The following WDPCP variants were observed in gnomAD, a reference collection of about 807,000 sequenced individuals.
WDPCP encodes WD repeat containing planar cell polarity effector.
WDPCP carries 71 observed loss-of-function variants against 93.1 expected under a neutral mutation model. The ratio of observed to expected loss-of-function variants is 0.76; its 90% CI spans 0.63 to 0.93. The LOEUF is 0.93. Ranked by LOEUF, WDPCP falls within the 40% of genes least tolerant of loss-of-function variation. WDPCP has a pLI of 0.00. For missense variants in WDPCP, 844 were observed against 887.4 expected, an observed-to-expected ratio of 0.95 and a Z score of 0.62; for synonymous variants, 315 against 315.0, an observed-to-expected ratio of 1.00 and a Z score of 0.00.
intron 2 of WDPCP, among the ~76,000 whole-genome samples, chr2:63,790,241 G>A (rs562880827): frequency 4.4e-4 from 67 of 152,306 alleles, no homozygotes; most frequent in African/African-American, 1.5e-3. Flanking sequence ...GGTGCTGGGC[G>A]AAATTATAGT....
intron 14 of WDPCP, among the ~76,000 whole-genome samples, chr2:63,210,490 G>A (rs377569958): frequency 1.2e-4 from 19 of 152,232 alleles, no homozygotes; most frequent in African/African-American, 3.9e-4. Flanking sequence ...CCAAGATGGC[G>A]GGATAGGAAC....
intron 13 of WDPCP, among the ~76,000 whole-genome samples, chr2:63,294,508 G>GA (rs59228476): frequency 3.2e-3 from 156 of 48,260 alleles, no homozygotes; most frequent in Non-Finnish European, 4.6e-3. Context: ...AGACTGTTTC[G>GA]AAAAAAAAAA....
chr2:63,840,246 T>C, the WDPCP span, among the ~76,000 whole-genome samples: 1 of 152,140 alleles, frequency 6.6e-6, no homozygotes, highest in Non-Finnish European at 1.5e-5. Flanking sequence ...CGGTACCAGG[T>C]GTGATTTGAC....
chr2:63,318,111 C>G (rs1294121720), intron 12 of WDPCP, among the ~76,000 whole-genome samples: 1 of 152,098 alleles, frequency 6.6e-6, no homozygotes, highest in East Asian at 1.9e-4. Flanking sequence ...AGGGAAAGGA[C>G]ATGAACAGAC....
intron 12 of WDPCP, among the ~76,000 whole-genome samples, chr2:63,351,357 G>A (rs888543800): frequency 6.6e-6 from 1 of 151,806 alleles, no homozygotes; most frequent in Non-Finnish European, 1.5e-5. Flanking sequence ...TAAGGTTTGG[G>A]GTATGGATCC....
chr2:63,284,476 T>C (rs1575058174), intron 13 of WDPCP, among the ~76,000 whole-genome samples: 1 of 152,256 alleles, frequency 6.6e-6, no homozygotes, highest in South Asian at 2.1e-4. Context: ...TTGCACATTT[T>C]CTTTTAAATT....
At chr2:63,392,829 A>C (rs187901503) in intron 10 of WDPCP, among the ~76,000 whole-genome samples, 4 of 152,346 alleles carry the variant, frequency 2.6e-5, no homozygotes, top group African/African-American at 9.6e-5. Flanking sequence ...AATCAAAACC[A>C]CAATGAGATA....
intron 13 of WDPCP, among the ~76,000 whole-genome samples, chr2:63,297,745 T>C (rs1279027239): frequency 3.3e-5 from 5 of 152,120 alleles, no homozygotes; most frequent in African/African-American, 1.2e-4. Context: ...AATACTGGTA[T>C]TTAGGACCCG....
At chr2:63,516,620 CAGCCATGTGAATG>C (rs1248267811) in intron 1 of WDPCP, among the ~76,000 whole-genome samples, 2 of 109,740 alleles carry the variant, frequency 1.8e-5, no homozygotes, top group African/African-American at 8.1e-5. Context: ...ACATCATTGT[CAGCCATGTGAATG>C]AGCCACCTTG....
intron 1 of WDPCP, among the ~76,000 whole-genome samples, chr2:63,515,485 G>C (rs978820326): frequency 2.6e-5 from 4 of 152,144 alleles, no homozygotes; most frequent in African/African-American, 9.7e-5. Context: ...CCTAAAAACT[G>C]CATTTGTGTG....
intron 3 of WDPCP, among the ~76,000 whole-genome samples, chr2:63,616,531 T>G (rs1312611884): frequency 6.6e-6 from 1 of 152,142 alleles, no homozygotes; most frequent in African/African-American, 2.4e-5. Flanking sequence ...TTATATATCC[T>G]TTACTCTATA....
At chr2:63,488,694 T>A (rs914952198) in intron 2 of WDPCP, among the ~76,000 whole-genome samples, 3 of 151,948 alleles carry the variant, frequency 2.0e-5, no homozygotes, top group African/African-American at 4.8e-5. Context: ...AAGGCTTTTT[T>A]AAAAAATCTA....
intron 13 of WDPCP, among the ~76,000 whole-genome samples, chr2:63,273,994 A>T (rs1284636598): frequency 2.6e-5 from 4 of 152,186 alleles, no homozygotes; most frequent in Non-Finnish European, 5.9e-5. Flanking sequence ...ACTGCAGACC[A>T]AATGGACCTA....
At chr2:63,565,323 G>A (rs184513817) in intron 1 of WDPCP, among the ~76,000 whole-genome samples, 70 of 152,180 alleles carry the variant, frequency 4.6e-4, no homozygotes, top group African/African-American at 1.4e-3. Flanking sequence ...AATTCAATTC[G>A]CTTCAATACG....
At chr2:63,453,169 G>A (rs1475927770) in intron 6 of WDPCP, among the ~76,000 whole-genome samples, 1 of 152,100 alleles carries the variant, frequency 6.6e-6, no homozygotes, top group Non-Finnish European at 1.5e-5. Flanking sequence ...CTACAGAATG[G>A]GAGAAAATTT....
intron 1 of WDPCP, among the ~76,000 whole-genome samples, chr2:63,529,587 C>T (rs1703650487): frequency 6.6e-6 from 1 of 152,164 alleles, no homozygotes; most frequent in Non-Finnish European, 1.5e-5. Context: ...GGTGGACAAG[C>T]TTTTTGATGT....
At chr2:63,318,956 A>C (rs1044525033) in intron 12 of WDPCP, among the ~76,000 whole-genome samples, 3 of 152,184 alleles carry the variant, frequency 2.0e-5, no homozygotes, top group Non-Finnish European at 4.4e-5. Context: ...ACTTATACAT[A>C]AAGTTTAAAA....
At chr2:63,457,154 T>A (rs186273794) in intron 6 of WDPCP, among the ~76,000 whole-genome samples, 1 of 152,194 alleles carries the variant, frequency 6.6e-6, no homozygotes, top group East Asian at 1.9e-4. Flanking sequence ...ACATTACAAC[T>A]GATGCCACAG....
At chr2:63,580,195 T>C (rs1004126148) in intron 1 of WDPCP, among the ~76,000 whole-genome samples, 4 of 152,090 alleles carry the variant, frequency 2.6e-5, no homozygotes, top group Non-Finnish European at 4.4e-5. Context: ...AAACTCAAAC[T>C]TACAGTAGAA....
Sources: gnomAD v4.1 joint callset for allele counts (sites outside exome capture counted in the v4.1 genomes callset) on GRCh38, gnomAD v4.1.1 for gene constraint, MANE v1.5 for transcripts, NCBI Gene and HGNC (gene_info 2026-07-23, HGNC 2026-07-21) for gene names.